Variants in CACNA1I observed in about 807,000 individuals in gnomAD.
The protein encoded by CACNA1I is calcium voltage-gated channel subunit alpha1 I.
In CACNA1I, 74 loss-of-function variants were observed where a neutral mutation model predicts 201.6. The ratio of observed to expected loss-of-function variants is 0.37; its 90% CI spans 0.30 to 0.45. The LOEUF is 0.45. Ranked by LOEUF, CACNA1I falls within the 20% of genes least tolerant of loss-of-function variation. The probability of loss-of-function intolerance (pLI) is 1.00; values close to 1 mark genes in which losing one functional copy is unlikely to be tolerated. For missense variants in CACNA1I, 2,346 were observed against 3,138.1 expected, an observed-to-expected ratio of 0.75 and a Z score of 6.03; for synonymous variants, 1,431 against 1,345.2, an observed-to-expected ratio of 1.06 and a Z score of -1.40.
At position 39,679,432 on chromosome 22, in the gene CACNA1I, A is replaced by G; in HGVS notation, c.5381A>G (p.Tyr1794Cys). The change falls in exon 32 of 37, where the codon TAC becomes TGC. Residue 1794 changes from tyrosine to cysteine, a missense_variant. Coordinates refer to ENST00000402142, the MANE Select transcript of CACNA1I (RefSeq NM_021096.4). ...DTEGGLCRRCYSPAQENLWLD... is the reference protein window; with the variant it reads ...DTEGGLCRRCCSPAQENLWLD... Reference sequence around the variant, plus strand: ...GAGGGCGGCTTGTGCCGGCGCTGCTACTCGCCTGCCCAGGTGGGCAGGGGC... The same window carrying G: ...GAGGGCGGCTTGTGCCGGCGCTGCTGCTCGCCTGCCCAGGTGGGCAGGGGC... 7.0e-7 allele frequency: 1 copy of G among 1,420,038 alleles called. No individual in the cohort carries two copies. Among genetic ancestry groups the G allele is most frequent in the Non-Finnish European group, 9.1e-7 (1 of 1,099,468 alleles). 88.0% of individuals were successfully genotyped at this position (1,420,038 alleles called of 1,614,324 possible). A position where few individuals can be genotyped will look rare whatever the true frequency, so the allele number is the denominator to read the frequency against.
At chr22:39,578,785 A>G (rs1352510044) in intron 1 of CACNA1I, among the ~76,000 whole-genome samples, 1 of 152,010 alleles carries the variant, frequency 6.6e-6, no homozygotes, top group Non-Finnish European at 1.5e-5. Flanking sequence ...CCATCTGCCT[A>G]TTATCCTCCA....
intron 10 of CACNA1I, 129 bp from the exon 11 acceptor site, chr22:39,658,023 T>G: frequency 1.1e-6 from 1 of 906,010 alleles, no homozygotes; most frequent in Non-Finnish European, 1.7e-6. Context: ...CATGGGGCAG[T>G]GGGGAGACGG....
chr22:39,685,731 G>A lies in CACNA1I; in HGVS notation c.6028-30G>A. The A allele has an allele frequency of 1.4e-6, 2 of 1,426,158 alleles. No individual in the cohort carries two copies. The highest frequency in any genetic ancestry group is 1.8e-6 in the Non-Finnish European group (2 of 1,099,042). The allele number at this position is 1,426,158 out of a possible 1,614,324, so 88.3% of individuals were successfully genotyped here. A position where few individuals can be genotyped will look rare whatever the true frequency, so the allele number is the denominator to read the frequency against. ...GTTGCTGGGGTGGGGGCCGACACAG[G>A]CGGCCTCCACGGCTCCCACCTCCCC... is the stretch of plus-strand genomic sequence containing the variant. On this transcript the variant is annotated intron_variant, in intron 36 of 36. Coordinates refer to ENST00000402142, the MANE Select transcript of CACNA1I (RefSeq NM_021096.4). The surrounding 1 kb of genome is among the most constrained non-coding windows in gnomAD (Gnocchi z 5.0).
chr22:39,601,522 A>G (rs958293704), intron 3 of CACNA1I, among the ~76,000 whole-genome samples: 2 of 152,176 alleles, frequency 1.3e-5, no homozygotes, highest in African/African-American at 4.8e-5. Context: ...AGAGTGGGTC[A>G]TTATTAGGGC....
intron 4 of CACNA1I, among the ~76,000 whole-genome samples, chr22:39,632,441 G>C (rs1209496027): frequency 1.3e-5 from 2 of 152,188 alleles, no homozygotes; most frequent in African/African-American, 2.4e-5. Flanking sequence ...GCCCATGCCA[G>C]TCCCTCTGCT....
At chr22:39,598,298 T>TGC (rs1555902391) in intron 2 of CACNA1I, 36 bp downstream of exon 2, 101 of 878,642 alleles carry the variant, frequency 1.1e-4, no homozygotes, top group African/African-American at 2.0e-4. Flanking sequence ...CGCCCTGCCC[T>TGC]CATCCTCCAG....
rs748750793 is a variant in CACNA1I at position 39,664,052 on chromosome 22, G to T, written c.3598-39G>T. 3 of 1,600,644 alleles carry T rather than the reference G, an allele frequency of 1.9e-6. No homozygotes were observed. In the Admixed American group the frequency reaches 5.0e-5, roughly 27 times the overall value. On this transcript the variant is annotated intron_variant, in intron 19 of 36. Transcript: ENST00000402142. ...GGCTGGCCAGTGGCCGGGCAGCTCT[G>T]GGAGCCCCTGAGCCTATGGTATCTC...
At chr22:39,606,106 G>T (rs1039411424) in intron 3 of CACNA1I, among the ~76,000 whole-genome samples, 7 of 152,140 alleles carry the variant, frequency 4.6e-5, no homozygotes, top group African/African-American at 1.7e-4. Flanking sequence ...TCCCTTATCT[G>T]CTGGACTCGC....
At chr22:39,656,681 C>T in intron 10 of CACNA1I, 1 of 517,414 alleles carries the variant, frequency 1.9e-6, no homozygotes, top group Non-Finnish European at 3.9e-6. Flanking sequence ...AATTTGGCTG[C>T]AGTCCCCATG....
At chr22:39,669,728 T>G (rs376693594) in intron 24 of CACNA1I, among the ~76,000 whole-genome samples, 31 of 151,622 alleles carry the variant, frequency 2.0e-4, no homozygotes, top group African/African-American at 7.3e-4. Context: ...AGTGGGAGGA[T>G]AGGTGGATGG....
Position 39,648,024 on chromosome 22 carries a change from C to T in CACNA1I, c.1567+98C>T. The T allele has an allele frequency of 1.9e-6, 2 of 1,067,722 alleles. No individual in the cohort carries two copies. Among genetic ancestry groups the T allele is most frequent in the Non-Finnish European group, 2.8e-6 (2 of 715,476 alleles). The allele number at this position is 1,067,722 out of a possible 1,614,324, so 66.1% of individuals were successfully genotyped here. A position where few individuals can be genotyped will look rare whatever the true frequency, so the allele number is the denominator to read the frequency against. On this transcript the variant is annotated intron_variant, in intron 9 of 36. Coordinates refer to ENST00000402142, the MANE Select transcript of CACNA1I (RefSeq NM_021096.4). The surrounding 1 kb of genome is among the most constrained non-coding windows in gnomAD (Gnocchi z 5.4). ...GAAGTCGGCAGGCATGGGGACGGCG[C>T]TTGAGCAGCCGCGACCCTCTGCAGG...
chr22:39,612,581 G>T lies in CACNA1I; in HGVS notation c.483-6729G>T, dbSNP rs150186983. Among the ~76,000 whole-genome samples, 1,006 of 152,244 alleles carry T rather than the reference G, an allele frequency of 6.6e-3. 8 individuals carry two copies. Among genetic ancestry groups the T allele is most frequent in the South Asian group, 0.018 (87 of 4,818 alleles). Reference sequence around the variant, plus strand: ...CTCACTTGAGTCCTCACGTGAAGGGGCAGATGAGTTTCCCTTTGCCTGTTT... The same window carrying T: ...CTCACTTGAGTCCTCACGTGAAGGGTCAGATGAGTTTCCCTTTGCCTGTTT... On this transcript the variant is annotated intron_variant, in intron 3 of 36. Transcript: ENST00000402142.
At chr22:39,607,337 G>A (rs931207444) in intron 3 of CACNA1I, among the ~76,000 whole-genome samples, 3 of 152,228 alleles carry the variant, frequency 2.0e-5, no homozygotes, top group Non-Finnish European at 2.9e-5. Context: ...TTCCTCCAAC[G>A]TCAGGGAGCA....
At chr22:39,589,887 G>C (rs138849652) in intron 1 of CACNA1I, among the ~76,000 whole-genome samples, 4 of 152,134 alleles carry the variant, frequency 2.6e-5, no homozygotes, top group African/African-American at 7.2e-5. Context: ...CAACTGAAAC[G>C]CACCCTGGGA....
chr22:39,681,151 T>A, intron 34 of CACNA1I, 99 bp downstream of exon 34: 1 of 1,358,308 alleles, frequency 7.4e-7, no homozygotes, highest in Non-Finnish European at 9.9e-7. Context: ...GTCTACCATG[T>A]AAACGGCACC....
chr22:39,634,729 G>A lies in CACNA1I; in HGVS notation c.740+5G>A. 1 of 1,611,530 alleles carries A rather than the reference G, an allele frequency of 6.2e-7. No individual in the cohort carries two copies. The highest frequency in any genetic ancestry group is 8.5e-7 in the Non-Finnish European group (1 of 1,178,104). On this transcript the variant is annotated splice_donor_5th_base_variant and intron_variant, in intron 5 of 36. Coordinates refer to ENST00000402142, the MANE Select transcript of CACNA1I (RefSeq NM_021096.4). Reference sequence around the variant, plus strand: ...CCTGGAGGAGAACTTCACCATGTGAGTTCATCCCCTGCCACCCATGCAGCT... The same window carrying A: ...CCTGGAGGAGAACTTCACCATGTGAATTCATCCCCTGCCACCCATGCAGCT...
Position 39,658,209 on chromosome 22 carries a change from G to A in CACNA1I, c.2050G>A (p.Ala684Thr). The part of the protein sequence containing the change: ...ICNVVFTSMF[A>T]LEMILKLAAF... ...CAATGTGGTCTTCACCAGCATGTTT[G>A]CCCTGGAGATGATCCTGAAGCTGGC... The change falls in exon 11 of 37, where the codon GCC (alanine) becomes ACC (threonine). Residue 684 changes from alanine (A) to threonine (T), a missense_variant. Coordinates refer to ENST00000402142, the MANE Select transcript of CACNA1I (RefSeq NM_021096.4). 1 of 1,613,982 alleles carries A rather than the reference G, an allele frequency of 6.2e-7. No individual in the cohort carries two copies.
intron 1 of CACNA1I, among the ~76,000 whole-genome samples, chr22:39,592,492 C>G (rs868235869): frequency 2.0e-5 from 3 of 152,200 alleles, no homozygotes; most frequent in African/African-American, 7.2e-5. Flanking sequence ...TGCTCTCTAA[C>G]GACGCTGGCA....
At chr22:39,576,958 TTC>T (rs1283000042) in intron 1 of CACNA1I, among the ~76,000 whole-genome samples, 1 of 152,052 alleles carries the variant, frequency 6.6e-6, no homozygotes, top group Non-Finnish European at 1.5e-5. Flanking sequence ...CTTCTTCTTC[TTC>T]TTTTTTTTTG....
Sources: gnomAD v4.1 joint callset for allele counts (sites outside exome capture counted in the v4.1 genomes callset) on GRCh38, gnomAD v4.1.1 for gene constraint, Gnocchi (gnomAD v3.1) non-coding constraint, MANE v1.5 for transcripts, NCBI Gene and HGNC (gene_info 2026-07-23, HGNC 2026-07-21) for gene names.